Variants in NKAIN2 observed in about 807,000 individuals in gnomAD.
NKAIN2 encodes the protein sodium/potassium transporting ATPase interacting 2.
In NKAIN2, 14 loss-of-function variants were observed where a neutral mutation model predicts 32.6. The observed-to-expected ratio is 0.43, with a 90% CI of 0.28 to 0.67. The LOEUF is 0.67. NKAIN2 is among the 30% of genes least tolerant of loss of function. NKAIN2 has a pLI of 0.17. For missense variants in NKAIN2, 198 were observed against 258.3 expected (o/e 0.77, Z 1.60); for synonymous variants, 80 against 87.2 (o/e 0.92, Z 0.46).
At chr6:123,812,439 T>C (rs1170326013) in intron 1 of NKAIN2, among the ~76,000 whole-genome samples, 1 of 152,208 alleles carries the variant, frequency 6.6e-6, no homozygotes, top group Non-Finnish European at 1.5e-5. Context: ...TGTTTTCAGA[T>C]GCTTGGCTAT....
At chr6:124,813,186 C>T (rs1166430328) in intron 5 of NKAIN2, among the ~76,000 whole-genome samples, 1 of 151,936 alleles carries the variant, frequency 6.6e-6, no homozygotes, top group African/African-American at 2.4e-5. Flanking sequence ...CTTAAAGATA[C>T]ATTACAAAAA....
At chr6:124,749,389 C>T (rs537139261) in intron 4 of NKAIN2, among the ~76,000 whole-genome samples, 2 of 151,852 alleles carry the variant, frequency 1.3e-5, no homozygotes, top group Non-Finnish European at 2.9e-5. Flanking sequence ...GTAACAGGTT[C>T]GCAGGTTATA....
chr6:124,629,533 G>A (rs531307437), intron 3 of NKAIN2, among the ~76,000 whole-genome samples: 81 of 152,256 alleles, frequency 5.3e-4, no homozygotes, highest in African/African-American at 1.9e-3. Context: ...ATGCACACAG[G>A]AGAAATATTG....
intron 3 of NKAIN2, among the ~76,000 whole-genome samples, chr6:124,535,974 G>A (rs1779696294): frequency 6.6e-6 from 1 of 152,200 alleles, no homozygotes; most frequent in Non-Finnish European, 1.5e-5. Context: ...GGATGCCGAT[G>A]AGCAATCTGC....
At chr6:124,042,115 A>G (rs1025053904) in intron 1 of NKAIN2, among the ~76,000 whole-genome samples, 15 of 152,124 alleles carry the variant, frequency 9.9e-5, no homozygotes, top group African/African-American at 3.6e-4. Flanking sequence ...CGGACTTACC[A>G]CGGAAAGAAA....
intron 1 of NKAIN2, among the ~76,000 whole-genome samples, chr6:123,902,993 T>G (rs145522893): frequency 6.6e-6 from 1 of 152,338 alleles, no homozygotes; most frequent in African/African-American, 2.4e-5. Flanking sequence ...CTATTGAAGA[T>G]CAGCTGGTAG....
At chr6:124,699,522 C>G (rs961585059) in intron 4 of NKAIN2, among the ~76,000 whole-genome samples, 8 of 152,094 alleles carry the variant, frequency 5.3e-5, no homozygotes, top group African/African-American at 1.4e-4. Flanking sequence ...ATTACAGAGG[C>G]AGTTTCTCAT....
At chr6:124,410,855 G>A (rs1335598825) in intron 3 of NKAIN2, among the ~76,000 whole-genome samples, 1 of 151,798 alleles carries the variant, frequency 6.6e-6, no homozygotes, top group Middle Eastern at 3.4e-3. Context: ...CTCGGGGCTT[G>A]CTTTATGTGC....
At chr6:123,934,640 C>T (rs1186727819) in intron 1 of NKAIN2, among the ~76,000 whole-genome samples, 1 of 152,016 alleles carries the variant, frequency 6.6e-6, no homozygotes, top group African/African-American at 2.4e-5. Context: ...TATGATAGTT[C>T]CTAGAAAATC....
At chr6:123,921,504 T>A (rs1409444249) in intron 1 of NKAIN2, among the ~76,000 whole-genome samples, 1 of 152,178 alleles carries the variant, frequency 6.6e-6, no homozygotes, top group Non-Finnish European at 1.5e-5. Flanking sequence ...TCTAACTCTT[T>A]CTTCTTCCAT....
At chr6:124,472,767 G>A (rs1004903229) in intron 3 of NKAIN2, among the ~76,000 whole-genome samples, 2 of 151,524 alleles carry the variant, frequency 1.3e-5, no homozygotes, top group African/African-American at 4.8e-5. Flanking sequence ...ACTTTTTAAG[G>A]AGATTTTTTA....
intron 1 of NKAIN2, among the ~76,000 whole-genome samples, chr6:123,840,097 A>G (rs1774805053): frequency 6.6e-6 from 1 of 152,064 alleles, no homozygotes; most frequent in Admixed American, 6.6e-5. Flanking sequence ...TTTCTTCCAC[A>G]GTTTATAACC....
intron 2 of NKAIN2, among the ~76,000 whole-genome samples, chr6:124,303,436 A>T (rs1267809429): frequency 6.6e-6 from 1 of 152,226 alleles, no homozygotes; most frequent in Admixed American, 6.5e-5. Flanking sequence ...ACAGGGAAAG[A>T]GTTTATGTGG....
intron 4 of NKAIN2, among the ~76,000 whole-genome samples, chr6:124,765,181 G>A (rs913688198): frequency 3.9e-5 from 6 of 152,158 alleles, no homozygotes; most frequent in Non-Finnish European, 8.8e-5. Context: ...CTTTTGAAAT[G>A]ACCTGTGAAT....
intron 1 of NKAIN2, among the ~76,000 whole-genome samples, chr6:123,859,782 C>G (rs890297874): frequency 6.6e-6 from 1 of 152,184 alleles, no homozygotes; most frequent in African/African-American, 2.4e-5. Flanking sequence ...CCTCCACCTC[C>G]CGGGTTCAAG....
chr6:124,299,078 C>G (rs78088490), intron 2 of NKAIN2, among the ~76,000 whole-genome samples: 3 of 152,202 alleles, frequency 2.0e-5, no homozygotes, highest in Non-Finnish European at 2.9e-5. Context: ...GAAAGAGACA[C>G]TGATGCTCTG....
intron 1 of NKAIN2, among the ~76,000 whole-genome samples, chr6:124,139,560 G>A (rs538132578): frequency 2.0e-4 from 30 of 152,190 alleles, no homozygotes; most frequent in African/African-American, 6.7e-4. Context: ...GAAATTAACA[G>A]TAGAAAAAGA....
chr6:124,213,338 G>T (rs1195375163), intron 1 of NKAIN2, among the ~76,000 whole-genome samples: 1 of 152,052 alleles, frequency 6.6e-6, no homozygotes, highest in African/African-American at 2.4e-5. Flanking sequence ...AAATAAATGA[G>T]CTGTGTTAAA....
intron 3 of NKAIN2, among the ~76,000 whole-genome samples, chr6:124,655,430 A>ATAAATAATTAG (rs1784507554): frequency 6.6e-6 from 1 of 152,132 alleles, no homozygotes; most frequent in Non-Finnish European, 1.5e-5. Flanking sequence ...TAGTTAGGAT[A>ATAAATAATTAG]TAAATAATTA....
Sources: gnomAD v4.1 joint callset for allele counts (sites outside exome capture counted in the v4.1 genomes callset) on GRCh38, gnomAD v4.1.1 for gene constraint, MANE v1.5 for transcripts, NCBI Gene and HGNC (gene_info 2026-07-23, HGNC 2026-07-21) for gene names.